Variants in CSMD1 observed in about 807,000 individuals in gnomAD.
The protein encoded by CSMD1 is CUB and Sushi multiple domains 1.
A neutral mutation model predicts 417.5 loss-of-function variants in CSMD1; 213 were observed. That is an observed-to-expected ratio of 0.51 (90% CI 0.46 to 0.57). The LOEUF (loss-of-function observed/expected upper bound fraction) is 0.57. Ranked by LOEUF, CSMD1 falls within the 20% of genes least tolerant of loss-of-function variation. The pLI is 0.00. For missense variants in CSMD1, 6,923 were observed against 4,529.7 expected, an observed-to-expected ratio of 1.53 and a Z score of -15.17; for synonymous variants, 2,862 against 1,736.8, an observed-to-expected ratio of 1.65 and a Z score of -16.11.
intron 3 of CSMD1, among the ~76,000 whole-genome samples, chr8:4,105,122 T>A (rs966276176): frequency 4.6e-5 from 7 of 152,200 alleles, no homozygotes; most frequent in Admixed American, 1.3e-4. Flanking sequence ...GCTCCCTACA[T>A]GTAATACACA....
At chr8:3,101,793 CTTTTTCTT>C (rs1815769610) in intron 46 of CSMD1, among the ~76,000 whole-genome samples, 2 of 126,036 alleles carry the variant, frequency 1.6e-5, no homozygotes, top group Admixed American at 9.7e-5. Context: ...TTGTTTCTTT[CTTTTTCTT>C]TTTTTTTTTT....
intron 5 of CSMD1, among the ~76,000 whole-genome samples, chr8:3,792,272 G>C (rs562728170): frequency 1.2e-4 from 19 of 152,058 alleles, no homozygotes; most frequent in African/African-American, 4.3e-4. Flanking sequence ...CAGCCTGGGT[G>C]ACAGAGAGAG....
intron 12 of CSMD1, among the ~76,000 whole-genome samples, chr8:3,425,692 G>C (rs1455925651): frequency 6.6e-6 from 1 of 151,848 alleles, no homozygotes; most frequent in Non-Finnish European, 1.5e-5. Context: ...GTTGTTGTTA[G>C]TGCATTCTGC....
chr8:3,004,101 A>T (rs969484685), intron 52 of CSMD1, among the ~76,000 whole-genome samples: 5 of 152,120 alleles, frequency 3.3e-5, no homozygotes, highest in African/African-American at 1.2e-4. Flanking sequence ...TTTTTAAAGA[A>T]ATGAACGTGG....
rs141223876 is a variant in CSMD1, at chr8:3,496,375, G to C, written c.1345-2649C>G. ...AAGGATTGAGGGCAGACACCATGTG[G>C]CTTGCTCGTGGAGGGAAGCACTGGC... is the stretch of plus-strand genomic sequence containing the variant. On this transcript the variant is annotated intron_variant, in intron 10 of 69. Coordinates refer to ENST00000635120, the MANE Select transcript of CSMD1 (RefSeq NM_033225.6). 3.7e-3 allele frequency among the ~76,000 whole-genome samples: 564 copies of C among 152,260 alleles called. 4 individuals are homozygous for C. Among genetic ancestry groups the C allele is most frequent in the East Asian group, 0.024 (123 of 5,164 alleles).
At chr8:3,591,460 G>A (rs1028422087) in intron 8 of CSMD1, among the ~76,000 whole-genome samples, 6 of 152,142 alleles carry the variant, frequency 3.9e-5, no homozygotes, top group South Asian at 2.1e-4. Flanking sequence ...AACTATTTGA[G>A]AACTTATTAA....
At chr8:4,669,535 C>A (rs1359697933) in intron 1 of CSMD1, among the ~76,000 whole-genome samples, 1 of 152,154 alleles carries the variant, frequency 6.6e-6, no homozygotes, top group African/African-American at 2.4e-5. Flanking sequence ...TGACACATAT[C>A]AATGAGAATT....
intron 5 of CSMD1, among the ~76,000 whole-genome samples, chr8:3,986,025 C>T (rs1390078351): frequency 4.6e-5 from 7 of 152,070 alleles, no homozygotes; most frequent in Non-Finnish European, 2.9e-5. Context: ...CTTCTCTTTG[C>T]TATCTCAAAG....
At chr8:3,063,133 G>T (rs2128994674) in intron 49 of CSMD1, among the ~76,000 whole-genome samples, 1 of 152,208 alleles carries the variant, frequency 6.6e-6, no homozygotes, top group South Asian at 2.1e-4. Flanking sequence ...AGGATTTTAT[G>T]CACGCTCTTT....
At chr8:4,329,010 C>T (rs755061344) in intron 3 of CSMD1, among the ~76,000 whole-genome samples, 12 of 152,138 alleles carry the variant, frequency 7.9e-5, no homozygotes, top group African/African-American at 1.9e-4. Flanking sequence ...TCCTCTTGGG[C>T]TTCCAACATC....
chr8:4,371,789 T>C (rs959032928), intron 3 of CSMD1, among the ~76,000 whole-genome samples: 3 of 152,230 alleles, frequency 2.0e-5, no homozygotes, highest in Non-Finnish European at 4.4e-5. Flanking sequence ...TGTTTTTTAA[T>C]TCATGTTGTT....
chr8:4,733,016 T>C (rs905668604), intron 1 of CSMD1, among the ~76,000 whole-genome samples: 3 of 116,638 alleles, frequency 2.6e-5, no homozygotes, highest in Non-Finnish European at 5.9e-5. Context: ...ATTTGCACGG[T>C]TTCTTTGGAA....
intron 4 of CSMD1, among the ~76,000 whole-genome samples, chr8:4,015,879 T>G (rs1165631484): frequency 6.6e-6 from 1 of 152,118 alleles, no homozygotes; most frequent in East Asian, 1.9e-4. Flanking sequence ...GGTTTACATC[T>G]CATGCTTCCA....
chr8:4,109,132 C>G (rs1321889619), intron 3 of CSMD1, among the ~76,000 whole-genome samples: 3 of 152,040 alleles, frequency 2.0e-5, no homozygotes. Context: ...TTTATAATAC[C>G]TAATACAATG....
intron 8 of CSMD1, among the ~76,000 whole-genome samples, chr8:3,589,043 C>A (rs78578974): frequency 0.017 from 2,586 of 152,148 alleles, 77 homozygotes; most frequent in African/African-American, 0.057. Context: ...CAACTCACAC[C>A]TGTTAAGATG....
Position 4,787,254 on chromosome 8 carries a change from T to A in CSMD1, c.86-149696A>T. ...CCGCGCCTCCTTCCCCGCCCAGAGATGCTCTCTGATCACCCCTCTTTTCTA... is the reference window on the plus strand; with the variant it reads ...CCGCGCCTCCTTCCCCGCCCAGAGAAGCTCTCTGATCACCCCTCTTTTCTA... On this transcript the variant is annotated intron_variant, in intron 1 of 69. Coordinates refer to ENST00000635120, the MANE Select transcript of CSMD1 (RefSeq NM_033225.6). 3 of 548,252 alleles carry A rather than the reference T, an allele frequency of 5.5e-6. No individual in the cohort carries two copies. The East Asian group carries it at 1.0e-4, about 19-fold the overall frequency. The allele number at this position is 548,252 out of a possible 1,614,324, so 34.0% of individuals were successfully genotyped here. A position where few individuals can be genotyped will look rare whatever the true frequency, so the allele number is the denominator to read the frequency against.
At chr8:4,105,193 G>T (rs966162364) in intron 3 of CSMD1, among the ~76,000 whole-genome samples, 8 of 152,078 alleles carry the variant, frequency 5.3e-5, no homozygotes, top group Non-Finnish European at 1.2e-4. Context: ...TACATCCTAA[G>T]ATTATTCCAA....
chr8:3,431,577 C>T (rs1310241166), intron 12 of CSMD1, among the ~76,000 whole-genome samples: 4 of 152,104 alleles, frequency 2.6e-5, no homozygotes, highest in Non-Finnish European at 5.9e-5. Flanking sequence ...TTATACTTTA[C>T]TTGAATTTTC....
intron 2 of CSMD1, among the ~76,000 whole-genome samples, chr8:4,604,268 G>T (rs376753164): frequency 1.3e-5 from 2 of 151,342 alleles, no homozygotes; most frequent in South Asian, 2.1e-4. Context: ...TACAAATAAA[G>T]GTACAATAGA....
Sources: gnomAD v4.1 joint callset for allele counts (sites outside exome capture counted in the v4.1 genomes callset) on GRCh38, gnomAD v4.1.1 for gene constraint, MANE v1.5 for transcripts, NCBI Gene and HGNC (gene_info 2026-07-23, HGNC 2026-07-21) for gene names.